Variants in CDKN2B-AS1 observed in about 807,000 individuals in gnomAD.
The protein encoded by CDKN2B-AS1 is CDKN2B and CDKN2A antisense cis and trans regulatory RNA 1.
intron 1 of CDKN2B-AS1, among the ~76,000 whole-genome samples, chr9:22,016,266 A>C (rs1821753393): frequency 6.6e-6 from 1 of 152,118 alleles, no homozygotes; most frequent in Non-Finnish European, 1.5e-5. Context: ...CTTCAAGGAG[A>C]ACTACAAACC....
chr9:22,057,006 C>G (rs1173110578), intron 4 of CDKN2B-AS1, among the ~76,000 whole-genome samples: 4 of 152,100 alleles, frequency 2.6e-5, no homozygotes, highest in Non-Finnish European at 4.4e-5. Context: ...TAGATTTAGT[C>G]ATTTTTCTTA....
intron 4 of CDKN2B-AS1, among the ~76,000 whole-genome samples, chr9:22,107,924 A>G (rs1156931083): frequency 6.6e-6 from 1 of 152,200 alleles, no homozygotes; most frequent in Non-Finnish European, 1.5e-5. Context: ...AACTTCAATG[A>G]ATTGTTGGGT....
At chr9:22,087,872 CA>C (rs1223046010) in intron 4 of CDKN2B-AS1, among the ~76,000 whole-genome samples, 1 of 152,018 alleles carries the variant, frequency 6.6e-6, no homozygotes, top group Non-Finnish European at 1.5e-5. Context: ...AAAGAAATGC[CA>C]TGAGTGAAAT....
rs544454770 is a variant in CDKN2B-AS1, at chr9:22,093,979, T to A, written n.439-33124T>A. Among the ~76,000 whole-genome samples the A allele has an allele frequency of 5.2e-4, 76 of 144,856 alleles. 16 individuals carry two copies. Among genetic ancestry groups the A allele is most frequent in the African/African-American group, 2.1e-3 (73 of 34,938 alleles). On this transcript the variant is annotated intron_variant and non_coding_transcript_variant, in intron 4 of 4. Coordinates refer to ENST00000650946, the Ensembl canonical transcript of CDKN2B-AS1. ...AGTGGTTGTTCCTTTCCATGTTTAG[T>A]GCTTTCTTCAGGAACTCTTTTAGGG...
intron 4 of CDKN2B-AS1, among the ~76,000 whole-genome samples, chr9:22,125,753 A>G (rs766534526): frequency 6.6e-6 from 1 of 152,240 alleles, no homozygotes; most frequent in Non-Finnish European, 1.5e-5. Flanking sequence ...TCACTGTGGT[A>G]TTGCGCTAGA....
Position 22,029,244 on chromosome 9 carries a change from T to G in CDKN2B-AS1, n.30-17507T>G, listed in dbSNP as rs540135436. Among the ~76,000 whole-genome samples the G allele has an allele frequency of 3.6e-4, 55 of 152,268 alleles. No individual in the cohort carries two copies. The South Asian group carries it at 0.011, about 31-fold the overall frequency. On this transcript the variant is annotated intron_variant and non_coding_transcript_variant, in intron 1 of 4. Transcript: ENST00000650946. ...AGTCTCAGGATATCACTCCGTAGAT[T>G]TATTCATTAATTAAAAAGAGAAAAT...
rs983937940 is a variant in CDKN2B-AS1, at chr9:21,997,065, A to C, written n.29+1904A>C. Among the ~76,000 whole-genome samples, 1 of 152,184 alleles carries C rather than the reference A, an allele frequency of 6.6e-6. No individual in the cohort carries two copies. The highest frequency in any genetic ancestry group is 1.5e-5 in the Non-Finnish European group (1 of 68,036). On this transcript the variant is annotated intron_variant and non_coding_transcript_variant, in intron 1 of 4. Coordinates refer to ENST00000650946, the Ensembl canonical transcript of CDKN2B-AS1. The surrounding 1 kb of genome is among the most constrained non-coding windows in gnomAD (Gnocchi z 4.8). ...TAACAACAGGGATACATTCTCAGAC[A>C]TGTATCTTTAGGCGATTTCATTGTT...
intron 4 of CDKN2B-AS1, among the ~76,000 whole-genome samples, chr9:22,104,182 A>G (rs1036309648): frequency 2.0e-5 from 3 of 152,162 alleles, no homozygotes; most frequent in African/African-American, 7.2e-5. Context: ...CTTCCATAGC[A>G]TTGCCACCAT....
chr9:22,033,360 G>A (rs537176163), intron 1 of CDKN2B-AS1, among the ~76,000 whole-genome samples: 1 of 152,236 alleles, frequency 6.6e-6, no homozygotes, highest in Admixed American at 6.5e-5. Flanking sequence ...TGGGGGAGGA[G>A]TACATACGGA....
At chr9:21,998,975 TA>T (rs535718873) in intron 1 of CDKN2B-AS1, among the ~76,000 whole-genome samples, 269 of 151,890 alleles carry the variant, frequency 1.8e-3, no homozygotes, top group African/African-American at 6.2e-3. Context: ...AACAATCCAA[TA>T]AAAAAGGCAA....
At chr9:22,037,174 A>C (rs191391918) in intron 1 of CDKN2B-AS1, among the ~76,000 whole-genome samples, 36 of 152,222 alleles carry the variant, frequency 2.4e-4, no homozygotes, top group Non-Finnish European at 3.8e-4. Flanking sequence ...GTGTTAGAGA[A>C]ATCATACATA....
chr9:22,057,719 A>G (rs1823632697), intron 4 of CDKN2B-AS1, among the ~76,000 whole-genome samples: 2 of 150,724 alleles, frequency 1.3e-5, no homozygotes, highest in African/African-American at 4.9e-5. Flanking sequence ...GAGGTGGAGG[A>G]TTGCTTGAGC....
At chr9:22,082,970 A>G (rs1824748766) in intron 4 of CDKN2B-AS1, among the ~76,000 whole-genome samples, 1 of 152,216 alleles carries the variant, frequency 6.6e-6, no homozygotes, top group Non-Finnish European at 1.5e-5. Flanking sequence ...AGAAGGCCTA[A>G]TCCTGGGGTT....
intron 4 of CDKN2B-AS1, among the ~76,000 whole-genome samples, chr9:22,110,219 A>G (rs1367026662): frequency 1.3e-5 from 2 of 152,148 alleles, no homozygotes; most frequent in Non-Finnish European, 2.9e-5. Flanking sequence ...GCTGAACTGA[A>G]TTCTCTGATA....
At chr9:22,069,453 G>A (rs1030480085) in intron 4 of CDKN2B-AS1, among the ~76,000 whole-genome samples, 2 of 152,124 alleles carry the variant, frequency 1.3e-5, no homozygotes, top group Admixed American at 1.3e-4. Flanking sequence ...AAACTCCTAG[G>A]AAAATGATTC....
chr9:22,037,170 G>C lies in CDKN2B-AS1; in HGVS notation n.30-9581G>C, dbSNP rs373789854. ...GTGGTTGTTCAAGAAATGTGTGTTA[G>C]AGAAATCATACATAAACTAGCAATT... On this transcript the variant is annotated intron_variant and non_coding_transcript_variant, in intron 1 of 4. Coordinates refer to ENST00000650946, the Ensembl canonical transcript of CDKN2B-AS1. Among the ~76,000 whole-genome samples, 10 of 152,202 alleles carry C rather than the reference G, an allele frequency of 6.6e-5. No individual in the cohort carries two copies. The East Asian group carries it at 1.2e-3, about 18-fold the overall frequency.
intron 4 of CDKN2B-AS1, among the ~76,000 whole-genome samples, chr9:22,073,552 A>G (rs1034461838): frequency 6.6e-6 from 1 of 152,128 alleles, no homozygotes; most frequent in African/African-American, 2.4e-5. Context: ...CTGTTAACTG[A>G]GAGTGATTGA....
intron 1 of CDKN2B-AS1, among the ~76,000 whole-genome samples, chr9:22,042,937 G>GA (rs1425110744): frequency 3.3e-5 from 5 of 151,972 alleles, no homozygotes; most frequent in African/African-American, 1.2e-4. Context: ...TACATGTTTG[G>GA]AAAATCTATT....
chr9:22,093,101 T>A (rs1003951024), intron 4 of CDKN2B-AS1, among the ~76,000 whole-genome samples: 51 of 151,316 alleles, frequency 3.4e-4, no homozygotes, highest in Admixed American at 3.3e-3. Context: ...CATTCAGGAG[T>A]GGGTAGTTCA....
Sources: allele counts gnomAD v4.1 joint callset (sites outside exome capture counted in the v4.1 genomes callset), GRCh38; gene constraint gnomAD v4.1.1; non-coding constraint Gnocchi (gnomAD v3.1); transcripts MANE v1.5; gene names NCBI Gene and HGNC (gene_info 2026-07-23, HGNC 2026-07-21).